The following THBS4 variants were observed in gnomAD, a reference collection of about 807,000 sequenced individuals.
THBS4 encodes thrombospondin 4.
In THBS4, 90 loss-of-function variants were observed where a neutral mutation model predicts 115.7. The ratio of observed to expected loss-of-function variants is 0.78; its 90% CI spans 0.66 to 0.93. The LOEUF is 0.93. THBS4 is among the 40% of genes least tolerant of loss of function. THBS4 has a pLI of 0.00. For synonymous variants in THBS4, 460 were observed against 479.3 expected, an observed-to-expected ratio of 0.96 and a Z score of 0.53; for missense variants, 1,087 against 1,232.7, an observed-to-expected ratio of 0.88 and a Z score of 1.77.
chr5:80,083,144 C>T lies in THBS4; in HGVS notation c.*3C>T. 1.9e-6 allele frequency: 3 copies of T among 1,611,032 alleles called. No homozygotes were observed. Among genetic ancestry groups the T allele is most frequent in the Non-Finnish European group, 2.5e-6 (3 of 1,177,182 alleles). On this transcript the variant is annotated 3_prime_UTR_variant, in exon 22 of 22. Transcript: ENST00000350881. ...ATTTCGACCGCTTCGATAATTAAAC[C>T]AAGGAAGCAATCTGTAACTGCTTTT...
At chr5:80,041,520 A>G (rs1453744558) in intron 2 of THBS4, among the ~76,000 whole-genome samples, 2 of 152,176 alleles carry the variant, frequency 1.3e-5, no homozygotes, top group Admixed American at 6.5e-5. Context: ...CCTGGCCGTG[A>G]TGGAAAGAAT....
At chr5:80,016,163 T>C (rs866696009) in intron 2 of THBS4, among the ~76,000 whole-genome samples, 8 of 152,214 alleles carry the variant, frequency 5.3e-5, no homozygotes, top group South Asian at 2.1e-4. Context: ...CAATTCCCTT[T>C]CTGATTGACA....
intron 4 of THBS4, 54 bp from the exon 5 acceptor site, chr5:80,058,654 C>T: frequency 1.1e-5 from 17 of 1,549,268 alleles, no homozygotes; most frequent in Non-Finnish European, 1.5e-5. Context: ...TTTTGAGTCA[C>T]TTAGAAATGA....
chr5:80,019,811 C>T (rs940846121), intron 2 of THBS4: 7 of 167,678 alleles, frequency 4.2e-5, no homozygotes, highest in African/African-American at 9.5e-5. Flanking sequence ...TACCGTTGCA[C>T]GGGGAGCCTG....
intron 1 of THBS4, among the ~76,000 whole-genome samples, chr5:79,993,104 T>C (rs1012549917): frequency 6.6e-6 from 1 of 152,218 alleles, no homozygotes; most frequent in Non-Finnish European, 1.5e-5. Flanking sequence ...AGTGGACACA[T>C]AACACAGTTA....
chr5:80,040,391 T>C, intron 2 of THBS4, 111 bp downstream of exon 2: 1 of 890,322 alleles, frequency 1.1e-6, no homozygotes, highest in East Asian at 2.8e-5. Context: ...TCTCACTCAC[T>C]AGTCATTTCA....
At chr5:80,026,637 A>G (rs1251933862) in intron 2 of THBS4, among the ~76,000 whole-genome samples, 1 of 152,260 alleles carries the variant, frequency 6.6e-6, no homozygotes, top group Non-Finnish European at 1.5e-5. Context: ...GAGCCTTGAA[A>G]TTTGAATTTC....
intron 2 of THBS4, among the ~76,000 whole-genome samples, chr5:79,999,503 T>A (rs12054701): frequency 0.15 from 22,108 of 152,236 alleles, 1,962 homozygotes; most frequent in South Asian, 0.24. Context: ...AATGAGTGTA[T>A]AAAATGATCT....
chr5:80,080,250 A>G, intron 20 of THBS4, 173 bp downstream of exon 20: 1 of 791,704 alleles, frequency 1.3e-6, no homozygotes, highest in Admixed American at 2.9e-5. Flanking sequence ...GAGAGAAGAT[A>G]TTCAGGGTCA....
chr5:80,007,621 AG>A (rs1165493888), intron 2 of THBS4, among the ~76,000 whole-genome samples: 1 of 152,200 alleles, frequency 6.6e-6, no homozygotes, highest in African/African-American at 2.4e-5. Context: ...CACTCTGTCA[AG>A]TGATGTACTT....
At chr5:80,021,511 A>G (rs537923286) in intron 2 of THBS4, among the ~76,000 whole-genome samples, 1 of 151,896 alleles carries the variant, frequency 6.6e-6, no homozygotes, top group South Asian at 2.1e-4. Flanking sequence ...AGCACTGTTC[A>G]TAGTACTTTG....
intron 2 of THBS4, among the ~76,000 whole-genome samples, chr5:80,026,071 G>C (rs1232873753): frequency 2.0e-5 from 3 of 152,088 alleles, no homozygotes; most frequent in Non-Finnish European, 4.4e-5. Context: ...CGTTCAAATG[G>C]AATAATAAAC....
rs1832700354 is a variant in THBS4, at chr5:80,035,756, A to G, written c.88+131A>G. On this transcript the variant is annotated intron_variant, in intron 1 of 21. Coordinates refer to ENST00000350881, the MANE Select transcript of THBS4 (RefSeq NM_003248.6). The surrounding 1 kb of genome is among the most constrained non-coding windows in gnomAD (Gnocchi z 4.6). ...CCCCTCTCTGTCCCTCCCGGGCCCA[A>G]TCAAAGCATATTGTGATTGGAGGTA... 4 of 641,576 alleles carry G rather than the reference A, an allele frequency of 6.2e-6. No individual in the cohort carries two copies. The highest frequency in any genetic ancestry group is 7.2e-5 in the South Asian group (1 of 13,908). 39.7% of individuals were successfully genotyped at this position (641,576 alleles called of 1,614,324 possible).
chr5:80,015,608 C>T (rs1188807471), intron 2 of THBS4, among the ~76,000 whole-genome samples: 1 of 152,176 alleles, frequency 6.6e-6, no homozygotes. Context: ...ACTGGAACAA[C>T]ATCATCCTCA....
chr5:80,062,801 T>G (rs1833683708), intron 8 of THBS4, among the ~76,000 whole-genome samples: 2 of 152,200 alleles, frequency 1.3e-5, no homozygotes, highest in African/African-American at 2.4e-5. Flanking sequence ...TTTCTATCCT[T>G]GCGATAGTTT....
At chr5:80,014,303 T>A (rs1013342836) in intron 2 of THBS4, among the ~76,000 whole-genome samples, 2 of 152,202 alleles carry the variant, frequency 1.3e-5, no homozygotes, top group African/African-American at 4.8e-5. Flanking sequence ...CCAACAGATA[T>A]GACCATGGTC....
chr5:80,070,484 T>G (rs1019546133), intron 11 of THBS4, 74 bp downstream of exon 11: 2 of 1,473,308 alleles, frequency 1.4e-6, no homozygotes, highest in African/African-American at 2.8e-5. Flanking sequence ...TGGGGAGAGG[T>G]TCTGTGGATC....
At chr5:80,071,683 CACAT>C (rs1441258432) in intron 13 of THBS4, 29 of 163,760 alleles carry the variant, frequency 1.8e-4, no homozygotes, top group African/African-American at 2.2e-4. Flanking sequence ...CACACACACA[CACAT>C]ACACCACTCC....
intron 1 of THBS4, among the ~76,000 whole-genome samples, chr5:79,993,352 G>A (rs1311311492): frequency 1.3e-5 from 2 of 152,174 alleles, no homozygotes; most frequent in Non-Finnish European, 2.9e-5. Flanking sequence ...CTCTAACATA[G>A]CTGATTGCAC....
Sources: gnomAD v4.1 joint callset for allele counts (sites outside exome capture counted in the v4.1 genomes callset) on GRCh38, gnomAD v4.1.1 for gene constraint, Gnocchi (gnomAD v3.1) non-coding constraint, MANE v1.5 for transcripts, NCBI Gene and HGNC (gene_info 2026-07-23, HGNC 2026-07-21) for gene names.